The following OSCP1 variants were observed in gnomAD, a reference collection of about 807,000 sequenced individuals.
OSCP1 encodes the protein protein OSCP1.
OSCP1 carries 35 observed loss-of-function variants against 45.1 expected under a neutral mutation model. The observed-to-expected ratio is 0.78, with a 90% CI of 0.59 to 1.03. The LOEUF is 1.03. Ranked by LOEUF, OSCP1 falls within the 50% of genes least tolerant of loss-of-function variation. The pLI is 0.00. For synonymous variants in OSCP1, 179 were observed against 180.1 expected, an observed-to-expected ratio of 0.99 and a Z score of 0.05; for missense variants, 400 against 470.7, an observed-to-expected ratio of 0.85 and a Z score of 1.39.
chr1:36,449,923 T>C (rs978407627), intron 1 of OSCP1, among the ~76,000 whole-genome samples: 2 of 139,290 alleles, frequency 1.4e-5, no homozygotes, highest in African/African-American at 5.5e-5. Flanking sequence ...AGGGGTATGA[T>C]ACTAGATGGT....
chr1:36,446,116 G>A lies in OSCP1; in HGVS notation c.112+4142C>T, dbSNP rs192421544. Among the ~76,000 whole-genome samples, 949 of 151,574 alleles carry A rather than the reference G, an allele frequency of 6.3e-3. 3 individuals are homozygous for A. Among genetic ancestry groups the A allele is most frequent in the Non-Finnish European group, 0.011 (749 of 67,870 alleles). ...CAGCTCACTGCAACCTCTGCCTCCC[G>A]GGTTCAAGCGATTCTCCTGCCTCAG... On this transcript the variant is annotated intron_variant, in intron 1 of 9. Transcript: ENST00000235532.
chr1:36,423,134 T>C (rs1222459910), intron 5 of OSCP1, among the ~76,000 whole-genome samples: 1 of 152,138 alleles, frequency 6.6e-6, no homozygotes, highest in Non-Finnish European at 1.5e-5. Context: ...ACAGTAACCA[T>C]TTAACAGATG....
intron 4 of OSCP1, chr1:36,428,153 G>GCA (rs1648102104): frequency 5.1e-6 from 5 of 980,744 alleles, no homozygotes; most frequent in Middle Eastern, 7.7e-4. Context: ...TGGTGCCACT[G>GCA]CACTCCAGCC....
At chr1:36,439,357 C>T (rs1308135268) in intron 1 of OSCP1, among the ~76,000 whole-genome samples, 2 of 151,760 alleles carry the variant, frequency 1.3e-5, no homozygotes, top group Non-Finnish European at 2.9e-5. Context: ...CCTGTCTCTA[C>T]CAAAAATTGA....
At position 36,434,393 on chromosome 1, in the gene OSCP1, C is replaced by T. The variant is rs1648574072; in HGVS notation, c.268-1804G>A. ...AGATTCTAAGGCACTTGCCAGGACC[C>T]TGCTACACAATCCCATTTCTCCTAC... On this transcript the variant is annotated intron_variant, in intron 2 of 9. Transcript: ENST00000235532. Among the ~76,000 whole-genome samples the T allele has an allele frequency of 1.3e-5, 2 of 152,168 alleles. 1 individual carries two copies. Among genetic ancestry groups the T allele is most frequent in the South Asian group, 4.1e-4 (2 of 4,824 alleles).
chr1:36,428,940 A>G (rs753595364), intron 4 of OSCP1, among the ~76,000 whole-genome samples: 2 of 152,168 alleles, frequency 1.3e-5, no homozygotes, highest in Non-Finnish European at 1.5e-5. Flanking sequence ...CTGTCTCAAA[A>G]ACAAAACATT....
At chr1:36,422,034 C>A in intron 7 of OSCP1, 116 bp downstream of exon 7, 8 of 996,996 alleles carry the variant, frequency 8.0e-6, no homozygotes, top group Middle Eastern at 2.2e-4. Context: ...GAAGATTGCA[C>A]ACAACAGGGG....
At chr1:36,420,329 G>T in intron 8 of OSCP1, 147 bp downstream of exon 8, 2 of 1,009,632 alleles carry the variant, frequency 2.0e-6, no homozygotes, top group Non-Finnish European at 2.9e-6. Context: ...ATCCTGGTGG[G>T]CTATTTAGAT....
At chr1:36,446,084 G>A (rs1159129254) in intron 1 of OSCP1, among the ~76,000 whole-genome samples, 1 of 151,678 alleles carries the variant, frequency 6.6e-6, no homozygotes, top group African/African-American at 2.4e-5. Flanking sequence ...GTGCAGTGGC[G>A]TGATCTCAGC....
chr1:36,447,801 CA>C lies in OSCP1; in HGVS notation c.112+2456del. On this transcript the variant is annotated intron_variant, in intron 1 of 9. Transcript: ENST00000235532. This position sits in a 1 kb window ranked among gnomAD's most constrained non-coding sequence, Gnocchi z 4.1. ...GAATCAGTTACTGGAGTGGACTGAT[CA>C]ATAGCCCTACCTCCAGTGAATGTCC... 1 of 400,472 alleles carries C rather than the reference CA, an allele frequency of 2.5e-6. No individual in the cohort carries two copies. Among genetic ancestry groups the C allele is most frequent in the Middle Eastern group, 3.5e-4 (1 of 2,868 alleles). 24.8% of individuals were successfully genotyped at this position (400,472 alleles called of 1,614,324 possible).
intron 4 of OSCP1, among the ~76,000 whole-genome samples, chr1:36,430,932 G>A (rs1277311038): frequency 6.6e-6 from 1 of 152,242 alleles, no homozygotes; most frequent in Non-Finnish European, 1.5e-5. Flanking sequence ...TGGGATTACA[G>A]GCGTGAGCCA....
At chr1:36,430,087 G>A (rs1317186805) in intron 4 of OSCP1, among the ~76,000 whole-genome samples, 1 of 152,072 alleles carries the variant, frequency 6.6e-6, no homozygotes, top group Non-Finnish European at 1.5e-5. Flanking sequence ...GTGAGCCACT[G>A]CGCCCAGCCT....
rs1649623474 is a variant in OSCP1 at position 36,447,564 on chromosome 1, AGCCTGATGCCTTGG to A, written c.112+2680_112+2693del. On this transcript the variant is annotated intron_variant, in intron 1 of 9. Transcript: ENST00000235532. The surrounding 1 kb of genome is among the most constrained non-coding windows in gnomAD (Gnocchi z 4.1). ...GACATTGGCTGAGTATGAACTTTGGAGCCTGATGCCTTGGGCTCAAATCCTTTACTTTTCCTCCT... is the reference window on the plus strand; with the variant it reads ...GACATTGGCTGAGTATGAACTTTGGAGCTCAAATCCTTTACTTTTCCTCCT... Among the ~76,000 whole-genome samples, 1 of 152,152 alleles carries A rather than the reference AGCCTGATGCCTTGG, an allele frequency of 6.6e-6. No homozygotes were observed. The highest frequency in any genetic ancestry group is 6.5e-5 in the Admixed American group (1 of 15,268).
intron 2 of OSCP1, among the ~76,000 whole-genome samples, chr1:36,438,479 G>C (rs1391527773): frequency 6.6e-6 from 1 of 152,072 alleles, no homozygotes; most frequent in African/African-American, 2.4e-5. Flanking sequence ...AACAGAGTGA[G>C]ACCCCATTTC....
chr1:36,448,192 A>T lies in OSCP1; in HGVS notation c.112+2066T>A, dbSNP rs544995027. On this transcript the variant is annotated intron_variant, in intron 1 of 9. Transcript: ENST00000235532. ...AGGGCATGCAATTAGTTAAATGGTA[A>T]AGCTGGAATTGGGATCCAGGTCTGT... is the stretch of plus-strand genomic sequence containing the variant. Among the ~76,000 whole-genome samples, 6 of 152,334 alleles carry T rather than the reference A, an allele frequency of 3.9e-5. No individual in the cohort carries two copies. In the South Asian group the frequency reaches 8.3e-4, roughly 21 times the overall value.
intron 2 of OSCP1, among the ~76,000 whole-genome samples, chr1:36,436,014 G>T (rs1454716105): frequency 2.0e-5 from 3 of 151,930 alleles, no homozygotes; most frequent in Non-Finnish European, 2.9e-5. Flanking sequence ...AGTCTTCTAA[G>T]TACCAGTAAT....
intron 9 of OSCP1, chr1:36,418,710 A>G: frequency 2.7e-6 from 1 of 373,328 alleles, no homozygotes; most frequent in South Asian, 5.0e-5. Flanking sequence ...TGAGGTCAGG[A>G]GTTTAAGACC....
chr1:36,427,055 CAG>C lies in OSCP1; in HGVS notation c.517-3591_517-3590del, dbSNP rs1469540769. On this transcript the variant is annotated intron_variant, in intron 4 of 9. Transcript: ENST00000235532. ...TTGCTCTGTCGCCCAGGCTAGAGTA[CAG>C]TGGCATGATCTCGGCTTACTGCAAC... Among the ~76,000 whole-genome samples the C allele has an allele frequency of 4.7e-5, 7 of 149,554 alleles. No homozygotes were observed. In the East Asian group the frequency reaches 1.4e-3, roughly 30 times the overall value.
intron 1 of OSCP1, among the ~76,000 whole-genome samples, chr1:36,441,441 T>C (rs987283420): frequency 1.3e-5 from 2 of 152,016 alleles, no homozygotes; most frequent in Admixed American, 6.6e-5. Context: ...ACCTGAGAAA[T>C]AGTTTTTTTA....
Sources: allele counts gnomAD v4.1 joint callset (sites outside exome capture counted in the v4.1 genomes callset), GRCh38; gene constraint gnomAD v4.1.1; non-coding constraint Gnocchi (gnomAD v3.1); transcripts MANE v1.5; gene names NCBI Gene and HGNC (gene_info 2026-07-23, HGNC 2026-07-21).